Variants in ZNF133 observed in about 807,000 individuals in gnomAD.
The protein encoded by ZNF133 is zinc finger protein 133, also known as zinc finger protein 133 (clone pHZ-13).
A neutral mutation model predicts 54.9 loss-of-function variants in ZNF133; 26 were observed. The ratio of observed to expected loss-of-function variants is 0.47; its 90% CI spans 0.35 to 0.66. ZNF133 has a LOEUF of 0.66. ZNF133 is among the 30% of genes least tolerant of loss of function. ZNF133 has a pLI of 0.01. For synonymous variants in ZNF133, 298 were observed against 320.3 expected (o/e 0.93, Z 0.74); for missense variants, 653 against 820.8 (o/e 0.80, Z 2.50).
At chr20:18,295,868 T>C (rs975945244) in intron 1 of ZNF133, among the ~76,000 whole-genome samples, 1 of 152,194 alleles carries the variant, frequency 6.6e-6, no homozygotes, top group African/African-American at 2.4e-5. Context: ...CTCACCATGT[T>C]GCCCAGGCTG....
Position 18,305,566 on chromosome 20 carries a change from T to C in ZNF133, c.-6-115T>C, listed in dbSNP as rs2044395054. On this transcript the variant is annotated intron_variant, in intron 4 of 6. Coordinates refer to ENST00000425686, the MANE Select transcript of ZNF133 (RefSeq NM_001352452.2). This position sits in a 1 kb window ranked among gnomAD's most constrained non-coding sequence, Gnocchi z 4.7. ...AGTCTTGGAACACATGGCACCAGGG[T>C]CACTGGGATCTTGATATCTCACCTG... 1 of 1,459,566 alleles carries C rather than the reference T, an allele frequency of 6.9e-7. No homozygotes were observed. The allele number at this position is 1,459,566 out of a possible 1,614,324, so 90.4% of individuals were successfully genotyped here. A position where few individuals can be genotyped will look rare whatever the true frequency, so the allele number is the denominator to read the frequency against.
In ZNF133 at chr20:18,298,963, A is replaced by G. The variant is rs1379328681; in HGVS notation, c.-178+499A>G. 2.6e-5 allele frequency among the ~76,000 whole-genome samples: 4 copies of G among 152,188 alleles called. No individual in the cohort carries two copies. The East Asian group carries it at 7.7e-4, about 29-fold the overall frequency. On this transcript the variant is annotated intron_variant, in intron 3 of 6. Coordinates refer to ENST00000425686, the MANE Select transcript of ZNF133 (RefSeq NM_001352452.2). ...ACACCCTACATCAATATTAAAAACA[A>G]AACAAAACAAAACAAAAAAACAAAA... is the stretch of plus-strand genomic sequence containing the variant.
At position 18,305,491 on chromosome 20, in the gene ZNF133, A is replaced by C. The variant is rs1361310849; in HGVS notation, c.-6-190A>C. Among the ~76,000 whole-genome samples the C allele has an allele frequency of 6.6e-6, 1 of 152,062 alleles. No homozygotes were observed. Among genetic ancestry groups the C allele is most frequent in the Non-Finnish European group, 1.5e-5 (1 of 67,998 alleles). Reference sequence around the variant, plus strand: ...CCCTGTGTGGCCCCCCAGGATCTTGACTGTATGGGTTCACAAATGCCACTG... The same window carrying C: ...CCCTGTGTGGCCCCCCAGGATCTTGCCTGTATGGGTTCACAAATGCCACTG... On this transcript the variant is annotated intron_variant, in intron 4 of 6. Coordinates refer to ENST00000425686, the MANE Select transcript of ZNF133 (RefSeq NM_001352452.2). The surrounding 1 kb of genome is among the most constrained non-coding windows in gnomAD (Gnocchi z 4.7).
At chr20:18,298,704 A>G (rs1173146593) in intron 3 of ZNF133, among the ~76,000 whole-genome samples, 5 of 152,262 alleles carry the variant, frequency 3.3e-5, no homozygotes, top group Middle Eastern at 3.4e-3. Context: ...ACTTCAGCCA[A>G]TTGCAACCCC....
chr20:18,296,138 A>G (rs2042186840), intron 1 of ZNF133, among the ~76,000 whole-genome samples: 4 of 152,116 alleles, frequency 2.6e-5, no homozygotes, highest in Admixed American at 2.6e-4. Flanking sequence ...AATGCCCTAT[A>G]ACATTAGCAC....
Position 18,315,264 on chromosome 20 carries a change from C to A in ZNF133, c.413C>A (p.Pro138His). The A allele has an allele frequency of 6.2e-7, 1 of 1,613,974 alleles. No homozygotes were observed. Among genetic ancestry groups the A allele is most frequent in the Non-Finnish European group, 8.5e-7 (1 of 1,179,996 alleles). Residue 138 changes from proline (P) to histidine (H), a missense_variant, in exon 7 of 7, where the codon CCC becomes CAC. Transcript: ENST00000425686. ...EKQQQASEGRPWSDQAEGPEG... is the reference protein window; with the variant it reads ...EKQQQASEGRHWSDQAEGPEG... ...CAGCAACAAGCCTCTGAGGGGAGAC[C>A]CTGGAGTGATCAAGCAGAAGGTCCT... is the stretch of plus-strand genomic sequence containing the variant.
At chr20:18,289,343 A>G (rs1025681953) in intron 1 of ZNF133, among the ~76,000 whole-genome samples, 4 of 152,096 alleles carry the variant, frequency 2.6e-5, no homozygotes, top group Non-Finnish European at 5.9e-5. Context: ...AGGCTTTGGG[A>G]TTTTACATTC....
In ZNF133 at chr20:18,316,809, C is replaced by G. The variant is rs1197749257; in HGVS notation, c.1958C>G (p.Ser653Cys). The G allele has an allele frequency of 2.6e-5, 41 of 1,604,444 alleles. No individual in the cohort carries two copies. The Admixed American group carries it at 3.0e-4, about 12-fold the overall frequency. ...CAGQPSDSLY[S>C]L ...GGGCAACCTTCGGATTCCTTATACT[C>G]TCTCTGAAGGCAAAGATGGGGACAA... The change falls in exon 7 of 7, where the codon TCT (serine) becomes TGT (cysteine). Residue 653 changes from serine to cysteine, a missense_variant. Physicochemically the swap from Ser to Cys is moderately radical, Grantham distance 112. This residue lies in a region of ZNF133 where 129 missense variants were observed against 138.5 expected (regional missense o/e 0.93). Coordinates refer to ENST00000425686, the MANE Select transcript of ZNF133 (RefSeq NM_001352452.2).
intron 1 of ZNF133, among the ~76,000 whole-genome samples, chr20:18,293,263 A>T (rs1364707070): frequency 2.6e-5 from 4 of 152,236 alleles, no homozygotes; most frequent in African/African-American, 9.6e-5. Context: ...CTATGGCTGC[A>T]GTCATTTGGG....
chr20:18,315,537 T>A lies in ZNF133; in HGVS notation c.686T>A (p.Leu229Gln). ...CGLSFSKMTN[L>Q]LSHQRIHSGE... ...CTGAGCTTCAGCAAGATGACAAACC[T>A]GCTCAGTCACCAGCGGATACACTCA... Residue 229 changes from leucine (L) to glutamine (Q), a missense_variant, in exon 7 of 7, where the codon CTG becomes CAG. By Grantham distance (113) the Leu-to-Gln change is moderately radical (BLOSUM62 -2). Transcript: ENST00000425686. 6.2e-7 allele frequency: 1 copy of A among 1,614,190 alleles called. No homozygotes were observed. The highest frequency in any genetic ancestry group is 1.3e-5 in the African/African-American group (1 of 75,052).
intron 6 of ZNF133, among the ~76,000 whole-genome samples, chr20:18,307,233 T>G (rs1372536177): frequency 1.3e-5 from 2 of 152,220 alleles, no homozygotes; most frequent in African/African-American, 4.8e-5. Flanking sequence ...CTGTTCTTTT[T>G]GTTTGTTTGA....
chr20:18,306,255 T>C lies in ZNF133; in HGVS notation c.122-43T>C, dbSNP rs891795861. On this transcript the variant is annotated intron_variant, in intron 5 of 6. Transcript: ENST00000425686. ...AGCTTTGAATTCTTGAATGGGCTCTTGAGCCCATAACCTAGTTACTTATTT... is the reference window on the plus strand; with the variant it reads ...AGCTTTGAATTCTTGAATGGGCTCTCGAGCCCATAACCTAGTTACTTATTT... 7.7e-6 allele frequency: 12 copies of C among 1,552,118 alleles called. No individual in the cohort carries two copies. In the South Asian group the frequency reaches 9.2e-5, roughly 12 times the overall value.
intron 1 of ZNF133, among the ~76,000 whole-genome samples, chr20:18,294,778 C>G (rs2146967841): frequency 6.6e-6 from 1 of 152,206 alleles, no homozygotes; most frequent in Admixed American, 6.5e-5. Context: ...TAAAAGATCC[C>G]CTAAAATTGA....
chr20:18,305,919 C>T lies in ZNF133; in HGVS notation c.121+112C>T. The T allele has an allele frequency of 7.3e-7, 1 of 1,378,634 alleles. No homozygotes were observed. The highest frequency in any genetic ancestry group is 9.8e-7 in the Non-Finnish European group (1 of 1,019,048). The allele number at this position is 1,378,634 out of a possible 1,614,324, so 85.4% of individuals were successfully genotyped here. ...ACCTTTGGGTTGGACCAAAAAGCAA[C>T]TACATTTTATTCGTGTTTCCCCAGG... On this transcript the variant is annotated intron_variant, in intron 5 of 6. Transcript: ENST00000425686. This position sits in a 1 kb window ranked among gnomAD's most constrained non-coding sequence, Gnocchi z 4.7.
At chr20:18,291,156 G>T (rs2040883780) in intron 1 of ZNF133, among the ~76,000 whole-genome samples, 1 of 152,098 alleles carries the variant, frequency 6.6e-6, no homozygotes, top group Non-Finnish European at 1.5e-5. Context: ...CTCCATTTCT[G>T]CACTGCCCTA....
intron 1 of ZNF133, 33 bp from the exon 2 acceptor site, chr20:18,297,952 T>C: frequency 7.0e-7 from 1 of 1,426,304 alleles, no homozygotes; most frequent in Non-Finnish European, 9.5e-7. Flanking sequence ...CATTTCTACC[T>C]GACACCCTCC....
chr20:18,310,549 C>T (rs1157569040), intron 6 of ZNF133, among the ~76,000 whole-genome samples: 1 of 152,164 alleles, frequency 6.6e-6, no homozygotes, highest in Non-Finnish European at 1.5e-5. Flanking sequence ...ACCACACAAT[C>T]TTACTTATAT....
In ZNF133 at chr20:18,305,253, ACT is replaced by A. The variant is rs1306996635; in HGVS notation, c.-7+80_-7+81del. ...GGCACCATGATTCCAGGGCTTCACT[ACT>A]CTCTGCTTGTGACCATCAGGCCCGA... On this transcript the variant is annotated intron_variant, in intron 4 of 6. Transcript: ENST00000425686. The surrounding 1 kb of genome is among the most constrained non-coding windows in gnomAD (Gnocchi z 4.7). 4 of 966,982 alleles carry A rather than the reference ACT, an allele frequency of 4.1e-6. No homozygotes were observed. Among genetic ancestry groups the A allele is most frequent in the African/African-American group, 1.8e-5 (1 of 56,474 alleles). The allele number at this position is 966,982 out of a possible 1,614,324, so 59.9% of individuals were successfully genotyped here.
Position 18,316,901 on chromosome 20 carries a change from A to C in ZNF133, c.*85A>C. ...AGAGAAATGCATTCTGTAAGTGGTCAAAGGACATTTGACTGTTTACTTTCT... is the reference window on the plus strand; with the variant it reads ...AGAGAAATGCATTCTGTAAGTGGTCCAAGGACATTTGACTGTTTACTTTCT... On this transcript the variant is annotated 3_prime_UTR_variant, in exon 7 of 7. Coordinates refer to ENST00000425686, the MANE Select transcript of ZNF133 (RefSeq NM_001352452.2). 1.4e-6 allele frequency: 2 copies of C among 1,458,858 alleles called. No individual in the cohort carries two copies. Among genetic ancestry groups the C allele is most frequent in the East Asian group, 4.6e-5 (2 of 43,590 alleles). The allele number at this position is 1,458,858 out of a possible 1,614,324, so 90.4% of individuals were successfully genotyped here.
Sources: allele counts gnomAD v4.1 joint callset (sites outside exome capture counted in the v4.1 genomes callset), GRCh38; gene constraint gnomAD v4.1.1; regional missense constraint gnomAD v4.1.1; non-coding constraint Gnocchi (gnomAD v3.1); transcripts MANE v1.5; gene names NCBI Gene and HGNC (gene_info 2026-07-23, HGNC 2026-07-21).